The following LEKR1 variants were observed in gnomAD, a reference collection of about 807,000 sequenced individuals.
LEKR1 encodes the protein protein LEKR1.
LEKR1 carries 59 observed loss-of-function variants against 72.4 expected under a neutral mutation model. That is an observed-to-expected ratio of 0.82 (90% CI 0.66 to 1.01). The LOEUF (loss-of-function observed/expected upper bound fraction) is 1.01. LEKR1 is among the 50% of genes least tolerant of loss of function. LEKR1 has a pLI of 0.00. For synonymous variants in LEKR1, 257 were observed against 263.2 expected (o/e 0.98, Z 0.23); for missense variants, 728 against 759.2 (o/e 0.96, Z 0.48).
chr3:156,856,081 A>G (rs1433485373), intron 3 of LEKR1, among the ~76,000 whole-genome samples: 3 of 151,910 alleles, frequency 2.0e-5, no homozygotes, highest in Admixed American at 1.3e-4. Context: ...AAACAACAAC[A>G]TATGTTTAAA....
chr3:156,867,520 A>G (rs1576694772), intron 3 of LEKR1, among the ~76,000 whole-genome samples: 1 of 152,122 alleles, frequency 6.6e-6, no homozygotes, highest in South Asian at 2.1e-4. Context: ...CCCCCTGGCC[A>G]AAATAAACTA....
chr3:156,886,454 C>A (rs1720095167), intron 3 of LEKR1, among the ~76,000 whole-genome samples: 2 of 152,134 alleles, frequency 1.3e-5, no homozygotes, highest in African/African-American at 4.8e-5. Flanking sequence ...TCCCCCTTGT[C>A]CCCTGGACTC....
At chr3:156,869,075 A>C (rs1717625278) in intron 3 of LEKR1, among the ~76,000 whole-genome samples, 1 of 152,110 alleles carries the variant, frequency 6.6e-6, no homozygotes. Context: ...TGTATATCAC[A>C]CATTTTCTTT....
At chr3:156,878,669 G>A (rs760109443) in intron 3 of LEKR1, among the ~76,000 whole-genome samples, 18 of 152,096 alleles carry the variant, frequency 1.2e-4, no homozygotes, top group Non-Finnish European at 2.4e-4. Context: ...GTTTAAGTCT[G>A]TTGTTTCTTT....
intron 7 of LEKR1, among the ~76,000 whole-genome samples, chr3:156,984,688 T>A (rs112938305): frequency 0.032 from 4,878 of 152,012 alleles, 108 homozygotes; most frequent in Non-Finnish European, 0.046. Flanking sequence ...AAAAAAATTT[T>A]AAAAAAATGT....
intron 5 of LEKR1, among the ~76,000 whole-genome samples, chr3:156,931,740 CA>C (rs1261950418): frequency 6.6e-6 from 1 of 152,074 alleles, no homozygotes; most frequent in Non-Finnish European, 1.5e-5. Context: ...TAGCCTTACA[CA>C]AATAATACAT....
chr3:156,913,601 A>G (rs899033652), intron 3 of LEKR1, among the ~76,000 whole-genome samples: 20 of 152,188 alleles, frequency 1.3e-4, no homozygotes, highest in African/African-American at 4.8e-4. Context: ...AGCTAAGGAT[A>G]GAGAGTGGTA....
chr3:156,973,082 T>C (rs996582897), intron 6 of LEKR1, among the ~76,000 whole-genome samples: 2 of 152,158 alleles, frequency 1.3e-5, no homozygotes, highest in Non-Finnish European at 2.9e-5. Flanking sequence ...ACTGCAGAAC[T>C]ATTTTTTGTT....
intron 3 of LEKR1, among the ~76,000 whole-genome samples, chr3:156,862,914 A>G (rs1350938161): frequency 3.3e-5 from 5 of 152,086 alleles, no homozygotes; most frequent in African/African-American, 1.2e-4. Context: ...TGCAGAAAGG[A>G]TATGCAGTGA....
At chr3:156,958,501 C>A (rs761688510) in intron 6 of LEKR1, among the ~76,000 whole-genome samples, 4 of 152,046 alleles carry the variant, frequency 2.6e-5, no homozygotes, top group African/African-American at 7.2e-5. Flanking sequence ...CTCCAGTGCC[C>A]CAAGCCTGCC....
At chr3:156,932,723 A>AAAG (rs1560090933) in intron 5 of LEKR1, among the ~76,000 whole-genome samples, 2 of 142,638 alleles carry the variant, frequency 1.4e-5, no homozygotes, top group Non-Finnish European at 3.0e-5. Context: ...AAAAAAAAAA[A>AAAG]GGGTATCTAT....
chr3:156,978,503 C>G (rs183492906), intron 6 of LEKR1, among the ~76,000 whole-genome samples: 4 of 152,280 alleles, frequency 2.6e-5, no homozygotes, highest in Non-Finnish European at 4.4e-5. Context: ...ATCACAGTTT[C>G]CACACACAGG....
intron 3 of LEKR1, among the ~76,000 whole-genome samples, chr3:156,900,444 A>G (rs898102188): frequency 6.6e-6 from 1 of 152,188 alleles, no homozygotes; most frequent in Non-Finnish European, 1.5e-5. Context: ...CAAAGGAACT[A>G]GTGTAGTATG....
intron 2 of LEKR1, among the ~76,000 whole-genome samples, chr3:156,839,326 G>A (rs527654940): frequency 5.9e-5 from 9 of 152,348 alleles, no homozygotes; most frequent in African/African-American, 1.9e-4. Context: ...GGAAAGGACT[G>A]TCAATGCTAT....
At chr3:156,849,637 G>A (rs1392984792) in intron 2 of LEKR1, among the ~76,000 whole-genome samples, 9 of 152,148 alleles carry the variant, frequency 5.9e-5, no homozygotes, top group Non-Finnish European at 1.2e-4. Flanking sequence ...TGACAAACCT[G>A]ACAAAAACAA....
At chr3:156,892,630 C>G (rs923468863) in intron 3 of LEKR1, among the ~76,000 whole-genome samples, 1 of 152,182 alleles carries the variant, frequency 6.6e-6, no homozygotes, top group South Asian at 2.1e-4. Flanking sequence ...ATTTCCTGCT[C>G]ATTATACCCT....
chr3:156,826,361 C>G lies in LEKR1; in HGVS notation c.-60C>G, dbSNP rs1252434373. The G allele has an allele frequency of 6.5e-6, 1 of 152,796 alleles. No individual in the cohort carries two copies. Among genetic ancestry groups the G allele is most frequent in the Non-Finnish European group, 1.5e-5 (1 of 68,158 alleles). 9.5% of individuals were successfully genotyped at this position (152,796 alleles called of 1,614,324 possible). A position where few individuals can be genotyped will look rare whatever the true frequency, so the allele number is the denominator to read the frequency against. On this transcript the variant is annotated 5_prime_UTR_variant, in exon 1 of 13. Coordinates refer to ENST00000356539, the MANE Select transcript of LEKR1 (RefSeq NM_001004316.3). ...ACCGGGAAAGCCGTTTCACACCCGT[C>G]CTAGTCGAAGTCGAGGTGAGGGACG...
chr3:156,941,376 C>T (rs1001675164), intron 5 of LEKR1, among the ~76,000 whole-genome samples: 2 of 152,088 alleles, frequency 1.3e-5, no homozygotes, highest in African/African-American at 4.8e-5. Context: ...CTCCTCATCA[C>T]GATCCCTTAA....
At chr3:156,875,685 T>G (rs1043175637) in intron 3 of LEKR1, among the ~76,000 whole-genome samples, 1 of 152,118 alleles carries the variant, frequency 6.6e-6, no homozygotes, top group Non-Finnish European at 1.5e-5. Flanking sequence ...TGATCCATAT[T>G]GAGTTGATTT....
Sources: allele counts gnomAD v4.1 joint callset (sites outside exome capture counted in the v4.1 genomes callset), GRCh38; gene constraint gnomAD v4.1.1; transcripts MANE v1.5; gene names NCBI Gene and HGNC (gene_info 2026-07-23, HGNC 2026-07-21).